ADAM12: variants seen among roughly 807,000 people sequenced by gnomAD.
The protein encoded by ADAM12 is ADAM metallopeptidase domain 12.
A neutral mutation model predicts 106.4 loss-of-function variants in ADAM12; 70 were observed. The ratio of observed to expected loss-of-function variants is 0.66; its 90% CI spans 0.54 to 0.80. ADAM12 has a LOEUF of 0.80. Among genes scored for constraint, ADAM12 ranks in the 30% least tolerant of loss-of-function variants. The pLI, the probability that ADAM12 is intolerant of heterozygous loss-of-function variation, is 0.00. For synonymous variants in ADAM12, 420 were observed against 433.5 expected, an observed-to-expected ratio of 0.97 and a Z score of 0.39; for missense variants, 1,010 against 1,171.9, an observed-to-expected ratio of 0.86 and a Z score of 2.02.
intron 3 of ADAM12, among the ~76,000 whole-genome samples, chr10:126,182,424 A>T (rs1957329794): frequency 6.6e-6 from 1 of 151,726 alleles, no homozygotes; most frequent in South Asian, 2.1e-4. Context: ...CAAAAAAAAC[A>T]CTCACTATAA....
chr10:126,246,461 T>A (rs1030598576), intron 3 of ADAM12, among the ~76,000 whole-genome samples: 1 of 152,180 alleles, frequency 6.6e-6, no homozygotes, highest in East Asian at 1.9e-4. Flanking sequence ...ATATCCTTGA[T>A]GAACATCAAT....
At chr10:126,054,095 A>G (rs2138278) in intron 14 of ADAM12, among the ~76,000 whole-genome samples, 103,990 of 152,030 alleles carry the variant, frequency 0.68, 36,440 homozygotes, top group East Asian at 0.93. Context: ...TTATGTTATC[A>G]CTGGAAATCT....
chr10:126,327,588 C>T (rs1439881386), intron 2 of ADAM12, among the ~76,000 whole-genome samples: 1 of 151,848 alleles, frequency 6.6e-6, no homozygotes, highest in East Asian at 1.9e-4. Context: ...AGGCCTGTCT[C>T]CTACCCCCTC....
At chr10:126,298,186 C>A (rs1409063461) in intron 2 of ADAM12, among the ~76,000 whole-genome samples, 1 of 151,330 alleles carries the variant, frequency 6.6e-6, no homozygotes, top group African/African-American at 2.4e-5. Context: ...AATAACCAGG[C>A]ATAAGTGAAC....
At chr10:126,266,231 T>C (rs1959094189) in intron 3 of ADAM12, among the ~76,000 whole-genome samples, 1 of 152,088 alleles carries the variant, frequency 6.6e-6, no homozygotes, top group Admixed American at 6.5e-5. Flanking sequence ...ACAGGTGACT[T>C]GGGGGCCCTC....
chr10:126,091,205 A>G (rs929900868), intron 11 of ADAM12, among the ~76,000 whole-genome samples: 1 of 152,228 alleles, frequency 6.6e-6, no homozygotes, highest in African/African-American at 2.4e-5. Context: ...GTAATAATAT[A>G]CTACCTTTGT....
chr10:126,270,853 G>T (rs958614875), intron 3 of ADAM12, among the ~76,000 whole-genome samples: 2 of 152,160 alleles, frequency 1.3e-5, no homozygotes, highest in African/African-American at 4.8e-5. Context: ...GAGGCCAGAG[G>T]CTCACCCACT....
At chr10:126,361,071 G>A (rs1375537758) in intron 1 of ADAM12, among the ~76,000 whole-genome samples, 3 of 152,132 alleles carry the variant, frequency 2.0e-5, no homozygotes. Flanking sequence ...AGAACAGCAT[G>A]AGAAAGATCT....
At chr10:126,081,218 C>T (rs775355798) in intron 11 of ADAM12, among the ~76,000 whole-genome samples, 38 of 152,142 alleles carry the variant, frequency 2.5e-4, no homozygotes, top group South Asian at 1.0e-3. Context: ...TGAGTGCTGA[C>T]GGCAGGAAAG....
At chr10:126,291,950 C>T (rs1384145839) in intron 2 of ADAM12, among the ~76,000 whole-genome samples, 1 of 149,454 alleles carries the variant, frequency 6.7e-6, no homozygotes. Context: ...TCAATCTGTA[C>T]ACTTTGCTAA....
intron 1 of ADAM12, among the ~76,000 whole-genome samples, chr10:126,347,566 C>G (rs1430938492): frequency 6.6e-6 from 1 of 152,090 alleles, no homozygotes; most frequent in Non-Finnish European, 1.5e-5. Context: ...TGAATGTTGG[C>G]CTGCCTTGTC....
chr10:126,343,459 T>C (rs1480967890), intron 1 of ADAM12, among the ~76,000 whole-genome samples: 5 of 152,204 alleles, frequency 3.3e-5, no homozygotes, highest in Admixed American at 6.5e-5. Context: ...TCCATGTCTT[T>C]GCTATTGGGA....
At chr10:126,275,651 A>C (rs1959222591) in intron 3 of ADAM12, among the ~76,000 whole-genome samples, 1 of 152,212 alleles carries the variant, frequency 6.6e-6, no homozygotes, top group African/African-American at 2.4e-5. Context: ...TTAAAGACCC[A>C]ATATTCAATG....
chr10:126,265,303 A>T (rs940791851), intron 3 of ADAM12, among the ~76,000 whole-genome samples: 4 of 152,228 alleles, frequency 2.6e-5, no homozygotes, highest in Middle Eastern at 3.2e-3. Context: ...TTGATGAGGG[A>T]AAGTTCTTCT....
At chr10:126,311,088 C>A (rs1961067066) in intron 2 of ADAM12, among the ~76,000 whole-genome samples, 3 of 107,220 alleles carry the variant, frequency 2.8e-5, no homozygotes, top group Non-Finnish European at 5.4e-5. Context: ...TATACATACA[C>A]ACAAATACAC....
chr10:126,186,094 T>C, intron 3 of ADAM12, among the ~76,000 whole-genome samples: 1 of 152,020 alleles, frequency 6.6e-6, no homozygotes, highest in East Asian at 1.9e-4. Flanking sequence ...TCCCCAAGGG[T>C]TGTGGCAAGG....
At chr10:126,065,040 G>A in intron 13 of ADAM12, 39 bp from the exon 14 acceptor site, 4 of 1,566,110 alleles carry the variant, frequency 2.6e-6, no homozygotes, top group South Asian at 1.2e-5. Flanking sequence ...TGCACCCGGG[G>A]AAAGGGAGAG....
chr10:126,241,840 T>C (rs978788954), intron 3 of ADAM12, among the ~76,000 whole-genome samples: 1 of 152,242 alleles, frequency 6.6e-6, no homozygotes, highest in Admixed American at 6.5e-5. Flanking sequence ...ATCAATACTT[T>C]ACAGGGTCTT....
rs1854461805 is a variant in ADAM12 at position 126,330,293 on chromosome 10, A to G, written c.186+119T>C. The G allele has an allele frequency of 4.7e-6, 4 of 844,948 alleles. No individual in the cohort carries two copies. The East Asian group carries it at 1.0e-4, about 22-fold the overall frequency. 52.3% of individuals were successfully genotyped at this position (844,948 alleles called of 1,614,324 possible). A position where few individuals can be genotyped will look rare whatever the true frequency, so the allele number is the denominator to read the frequency against. On this transcript the variant is annotated intron_variant, in intron 2 of 22. Transcript: ENST00000448723. ...CTTAAGAATAAAGCTTCCATTCTCT[A>G]AGGATAGAGTTAGCATTAAAGTGAG...
Sources: allele counts gnomAD v4.1 joint callset (sites outside exome capture counted in the v4.1 genomes callset), GRCh38; gene constraint gnomAD v4.1.1; transcripts MANE v1.5; gene names NCBI Gene and HGNC (gene_info 2026-07-23, HGNC 2026-07-21).